Variants in PRSS55 observed in about 807,000 individuals in gnomAD.
PRSS55 encodes the protein probable serine protease UNQ9391/PRO34284.
In PRSS55, 41 loss-of-function variants were observed where a neutral mutation model predicts 23.6. The ratio of observed to expected loss-of-function variants is 1.74; its 90% confidence interval spans 1.35 to 2.26. The LOEUF is 2.26. PRSS55 is among the 30% of genes most tolerant of loss of function. The pLI is 0.00. For missense variants in PRSS55, 669 were observed against 439.1 expected (o/e 1.52, Z -4.68); for synonymous variants, 262 against 175.5 (o/e 1.49, Z -3.90).
At chr8:10,531,153 C>A in intron 2 of PRSS55, 142 bp from the exon 3 acceptor site, 1 of 1,027,004 alleles carries the variant, frequency 9.7e-7, no homozygotes, top group Non-Finnish European at 1.4e-6. Flanking sequence ...TTCCAATCCT[C>A]ACACCTTCTG....
At chr8:10,551,746 C>T (rs1195289109) in intron 4 of PRSS55, among the ~76,000 whole-genome samples, 1 of 152,210 alleles carries the variant, frequency 6.6e-6, no homozygotes, top group African/African-American at 2.4e-5. Flanking sequence ...GAAGCTCCCA[C>T]CCCATCCTTT....
At chr8:10,543,763 T>C (rs1043060646), downstream of PRSS55, among the ~76,000 whole-genome samples, 34 of 152,088 alleles carry the variant, frequency 2.2e-4, no homozygotes, top group African/African-American at 8.0e-4. Flanking sequence ...AAGTATTTTC[T>C]AATTTCCCAT....
intron 4 of PRSS55, among the ~76,000 whole-genome samples, chr8:10,549,275 G>A (rs924073858): frequency 2.6e-5 from 4 of 152,214 alleles, no homozygotes; most frequent in African/African-American, 9.6e-5. Flanking sequence ...CACTGAAGAG[G>A]CTTGAGCAAG....
In PRSS55 at chr8:10,525,568, A is replaced by G. The variant is rs762493176; in HGVS notation, c.-18A>G. 3 of 1,607,370 alleles carry G rather than the reference A, an allele frequency of 1.9e-6. No homozygotes were observed. In the South Asian group the frequency reaches 3.3e-5, roughly 18 times the overall value. ...CCTGGCCTCTGTCACCCCCGGGCCC[A>G]CAGCACAGCCCAGGGCCATGCTCCT... is the stretch of plus-strand genomic sequence containing the variant. On this transcript the variant is annotated 5_prime_UTR_variant, in exon 1 of 5. Coordinates refer to ENST00000328655, the MANE Select transcript of PRSS55 (RefSeq NM_198464.4).
At chr8:10,533,258 G>A (rs896241217) in intron 4 of PRSS55, among the ~76,000 whole-genome samples, 1 of 152,192 alleles carries the variant, frequency 6.6e-6, no homozygotes, top group Non-Finnish European at 1.5e-5. Context: ...CTGCAACCCT[G>A]CTTAACTATT....
At chr8:10,544,941 A>C in intron 4 of PRSS55, 1 of 829,564 alleles carries the variant, frequency 1.2e-6, no homozygotes, top group Non-Finnish European at 1.5e-6. Context: ...TAAAGTATGT[A>C]TTTATAGAAT....
Position 10,546,729 on chromosome 8 carries a change from G to C in PRSS55, c.742-7214G>C, listed in dbSNP as rs147319138. 2.1e-3 allele frequency among the ~76,000 whole-genome samples: 320 copies of C among 152,200 alleles called. 3 individuals are homozygous for C. The highest frequency in any genetic ancestry group is 0.017 in the Middle Eastern group (5 of 294). On this transcript the variant is annotated intron_variant, in intron 4 of 4. Transcript: ENST00000522210. The stretch of plus-strand genomic sequence containing the variant: ...CACAGGGTCTCACTCTGTTGCTCAG[G>C]CAGAAGTTCAGTGGCCCAATCAAGG...
intron 1 of PRSS55, among the ~76,000 whole-genome samples, chr8:10,526,949 C>T (rs976417440): frequency 1.2e-4 from 18 of 152,100 alleles, no homozygotes; most frequent in Admixed American, 2.6e-4. Flanking sequence ...GCTGTCTGGC[C>T]CAGAGCCTAC....
At chr8:10,537,711 A>G (rs2117048152) in intron 4 of PRSS55, among the ~76,000 whole-genome samples, 1 of 152,326 alleles carries the variant, frequency 6.6e-6, no homozygotes, top group Middle Eastern at 3.4e-3. Context: ...TACCTCATAA[A>G]CATACAAAAC....
intron 4 of PRSS55, among the ~76,000 whole-genome samples, chr8:10,550,666 C>G (rs901577119): frequency 1.3e-5 from 2 of 152,150 alleles, no homozygotes; most frequent in East Asian, 1.9e-4. Context: ...CTGCCTGCCC[C>G]GAGACAATGC....
chr8:10,547,751 A>T (rs1422564730), intron 4 of PRSS55, among the ~76,000 whole-genome samples: 1 of 19,856 alleles, frequency 5.0e-5, no homozygotes, highest in African/African-American at 1.8e-4. Context: ...GCCCCGCCCC[A>T]GTCTTGGTGG....
At chr8:10,527,232 T>C (rs1303969658) in intron 1 of PRSS55, among the ~76,000 whole-genome samples, 1 of 152,262 alleles carries the variant, frequency 6.6e-6, no homozygotes, top group Non-Finnish European at 1.5e-5. Context: ...GTTGATGATA[T>C]GGATGTGGCT....
At chr8:10,542,518 G>C (rs561201189), downstream of PRSS55, among the ~76,000 whole-genome samples, 5 of 151,914 alleles carry the variant, frequency 3.3e-5, no homozygotes, top group African/African-American at 1.2e-4. Context: ...AAGAATAAAG[G>C]GTGAGTTTTT....
At chr8:10,543,481 T>TTTTCTTTC (rs1563547453), downstream of PRSS55, among the ~76,000 whole-genome samples, 12 of 19,808 alleles carry the variant, frequency 6.1e-4, no homozygotes, top group African/African-American at 9.5e-4. Flanking sequence ...TCTTTCTCTC[T>TTTTCTTTC]TTTTTTTTTT....
chr8:10,538,874 G>A, downstream of PRSS55: 1 of 1,382,968 alleles, frequency 7.2e-7, no homozygotes, highest in Non-Finnish European at 9.7e-7. Context: ...CTGCAGCTCA[G>A]GGCTCAAGGA....
intron 4 of PRSS55, 33 bp downstream of exon 4, chr8:10,533,081 G>A (rs774720093): frequency 1.2e-6 from 2 of 1,610,482 alleles, no homozygotes; most frequent in Admixed American, 1.7e-5. Context: ...CACCTTATAG[G>A]TCCTCACCCT....
chr8:10,529,530 G>C lies in PRSS55; in HGVS notation c.178G>C (p.Glu60Gln). Residue 60 changes from glutamate to glutamine, a missense_variant, in exon 2 of 5, where the codon GAG becomes CAG. By Grantham distance (29) the Glu-to-Gln change is conservative. Coordinates refer to ENST00000328655, the MANE Select transcript of PRSS55 (RefSeq NM_198464.4). The part of the protein sequence containing the change: ...VSECGDRSIF[E>Q]GRTRYSRITG... ...AGAATGTGGTGACAGATCTATTTTCGAGGGAAGAACTCGGTATTCCAGAAT... is the reference window on the plus strand; with the variant it reads ...AGAATGTGGTGACAGATCTATTTTCCAGGGAAGAACTCGGTATTCCAGAAT... The C allele has an allele frequency of 1.2e-6, 2 of 1,614,122 alleles. No homozygotes were observed. The highest frequency in any genetic ancestry group is 1.7e-6 in the Non-Finnish European group (2 of 1,180,012).
intron 4 of PRSS55, among the ~76,000 whole-genome samples, chr8:10,548,465 G>A (rs1812873898): frequency 6.6e-6 from 1 of 152,162 alleles, no homozygotes; most frequent in Admixed American, 6.5e-5. Flanking sequence ...GGGGCCCTGG[G>A]CCCAGGCATT....
At chr8:10,536,318 C>T (rs1176596805) in intron 4 of PRSS55, among the ~76,000 whole-genome samples, 4 of 152,170 alleles carry the variant, frequency 2.6e-5, no homozygotes, top group Non-Finnish European at 5.9e-5. Flanking sequence ...AATGAGATAT[C>T]ATCCCATACC....
Sources: gnomAD v4.1 joint callset for allele counts (sites outside exome capture counted in the v4.1 genomes callset) on GRCh38, gnomAD v4.1.1 for gene constraint, MANE v1.5 for transcripts, NCBI Gene and HGNC (gene_info 2026-07-23, HGNC 2026-07-21) for gene names.